Variants in CNTLN observed in about 807,000 individuals in gnomAD.
The protein encoded by CNTLN is centlein, centrosomal protein.
In CNTLN, 212 loss-of-function variants were observed where a neutral mutation model predicts 180.0. The observed-to-expected ratio is 1.18, with a 90% CI of 1.05 to 1.32. The LOEUF (loss-of-function observed/expected upper bound fraction) is 1.32, where lower values mean the gene tolerates loss of function less well. CNTLN is among the 40% of genes most tolerant of loss of function. CNTLN has a pLI of 0.00. For missense variants in CNTLN, 2,095 were observed against 1,610.9 expected (o/e 1.30, Z -5.14); for synonymous variants, 722 against 563.1 (o/e 1.28, Z -3.99).
chr9:17,508,785 G>T (rs1452501932), downstream of CNTLN, among the ~76,000 whole-genome samples: 2 of 152,204 alleles, frequency 1.3e-5, no homozygotes, highest in East Asian at 3.9e-4. Flanking sequence ...TCATTATATG[G>T]ACATACCACA....
chr9:17,492,837 A>G (rs1344484209), intron 25 of CNTLN, among the ~76,000 whole-genome samples: 1 of 152,170 alleles, frequency 6.6e-6, no homozygotes, highest in Non-Finnish European at 1.5e-5. Flanking sequence ...AAATGATCCA[A>G]ATGCCCACCG....
At chr9:17,461,889 G>T (rs1420912961) in intron 19 of CNTLN, among the ~76,000 whole-genome samples, 2 of 151,712 alleles carry the variant, frequency 1.3e-5, no homozygotes, top group Non-Finnish European at 2.9e-5. Context: ...GTTGGAACTA[G>T]AGTCAAAATT....
At position 17,292,302 on chromosome 9, in the gene CNTLN, G is replaced by A. The variant is rs535886527; in HGVS notation, c.984-5888G>A. Among the ~76,000 whole-genome samples the A allele has an allele frequency of 5.3e-5, 8 of 152,176 alleles. No individual in the cohort carries two copies. The South Asian group carries it at 8.3e-4, about 16-fold the overall frequency. On this transcript the variant is annotated intron_variant, in intron 6 of 25. Transcript: ENST00000380647. ...GTGTTAGGGCTGATCATCTCATGGAGTATCTTACGAGGGTTCTTTGGATTT... is the reference window on the plus strand; with the variant it reads ...GTGTTAGGGCTGATCATCTCATGGAATATCTTACGAGGGTTCTTTGGATTT...
intron 12 of CNTLN, among the ~76,000 whole-genome samples, chr9:17,355,863 G>A (rs1162680822): frequency 1.3e-5 from 2 of 151,242 alleles, no homozygotes; most frequent in Non-Finnish European, 2.9e-5. Flanking sequence ...AAGAGATCGA[G>A]ACCATCCTGG....
At chr9:17,329,880 C>T (rs1045055612) in intron 8 of CNTLN, among the ~76,000 whole-genome samples, 4 of 151,276 alleles carry the variant, frequency 2.6e-5, no homozygotes, top group African/African-American at 9.7e-5. Context: ...TCAACAAAAA[C>T]TGTTTTCATG....
chr9:17,268,867 C>T (rs927103495), intron 5 of CNTLN, among the ~76,000 whole-genome samples: 2 of 151,692 alleles, frequency 1.3e-5, no homozygotes, highest in Non-Finnish European at 1.5e-5. Flanking sequence ...TCTGGTGTGC[C>T]GTTTTTTAAT....
chr9:17,455,723 GTGGCAGGCAGGTTTGGGGAA>G (rs1831069676), intron 18 of CNTLN, among the ~76,000 whole-genome samples: 11 of 135,410 alleles, frequency 8.1e-5, no homozygotes, highest in Non-Finnish European at 1.2e-4. Context: ...GGTTTGGGGA[GTGGCAGGCAGGTTTGGGGAA>G]TGGCAGGCAG....
At chr9:17,366,391 G>T (rs1432080518) in intron 12 of CNTLN, among the ~76,000 whole-genome samples, 1 of 152,062 alleles carries the variant, frequency 6.6e-6, no homozygotes, top group Non-Finnish European at 1.5e-5. Flanking sequence ...TGATCCCCTT[G>T]CCTTGGCTTT....
At chr9:17,299,241 CAAAAAAAA>C (rs368954391) in intron 7 of CNTLN, 3 of 91,696 alleles carry the variant, frequency 3.3e-5, no homozygotes, top group South Asian at 3.8e-4. Flanking sequence ...GACAACGTCT[CAAAAAAAA>C]AAAAAAAAAA....
the CNTLN span, among the ~76,000 whole-genome samples, chr9:17,523,395 CCT>C: frequency 3.9e-5 from 6 of 152,074 alleles, no homozygotes; most frequent in African/African-American, 1.4e-4. Context: ...CACCACCACA[CCT>C]GTCTAATTTT....
chr9:17,329,134 G>T (rs1224417125), intron 8 of CNTLN, among the ~76,000 whole-genome samples: 5 of 151,762 alleles, frequency 3.3e-5, no homozygotes, highest in African/African-American at 9.7e-5. Flanking sequence ...ATGTTTTTCT[G>T]ATTTTATTCT....
At chr9:17,491,656 T>TA (rs1833169131) in intron 25 of CNTLN, among the ~76,000 whole-genome samples, 1 of 152,130 alleles carries the variant, frequency 6.6e-6, no homozygotes, top group African/African-American at 2.4e-5. Context: ...TGGAACTATA[T>TA]AAAAAATTCT....
chr9:17,230,382 G>C (rs1824736423), intron 3 of CNTLN, among the ~76,000 whole-genome samples: 1 of 151,760 alleles, frequency 6.6e-6, no homozygotes, highest in African/African-American at 2.4e-5. Context: ...CATTGATGTG[G>C]TGGTGGGGTG....
At chr9:17,300,620 C>T (rs906795567) in intron 7 of CNTLN, 1 of 152,142 alleles carries the variant, frequency 6.6e-6, no homozygotes. Flanking sequence ...GACATAGGTG[C>T]CAGGATATTA....
At chr9:17,453,347 T>A (rs773220450) in intron 18 of CNTLN, among the ~76,000 whole-genome samples, 1 of 152,020 alleles carries the variant, frequency 6.6e-6, no homozygotes, top group Non-Finnish European at 1.5e-5. Flanking sequence ...AGCAATTGAA[T>A]AAATAAAATG....
chr9:17,231,861 C>T (rs143691508), intron 3 of CNTLN, among the ~76,000 whole-genome samples: 1 of 150,518 alleles, frequency 6.6e-6, no homozygotes, highest in Non-Finnish European at 1.5e-5. Flanking sequence ...CTATTATTCT[C>T]TTGTTACTCT....
At chr9:17,172,402 T>C (rs1299113878) in intron 2 of CNTLN, among the ~76,000 whole-genome samples, 1 of 152,228 alleles carries the variant, frequency 6.6e-6, no homozygotes, top group Non-Finnish European at 1.5e-5. Context: ...TTTTAGGTTT[T>C]ATGGAATACC....
At chr9:17,460,707 T>C (rs1433689508) in intron 19 of CNTLN, among the ~76,000 whole-genome samples, 1 of 151,780 alleles carries the variant, frequency 6.6e-6, no homozygotes, top group Non-Finnish European at 1.5e-5. Context: ...AAGTCAGAGT[T>C]AACAGCATTT....
chr9:17,362,284 C>T (rs569170968), intron 12 of CNTLN, among the ~76,000 whole-genome samples: 7 of 152,152 alleles, frequency 4.6e-5, no homozygotes, highest in African/African-American at 1.7e-4. Context: ...CAGTATGTTC[C>T]ACGTTCTTAA....
Sources: allele counts gnomAD v4.1 joint callset (sites outside exome capture counted in the v4.1 genomes callset), GRCh38; gene constraint gnomAD v4.1.1; transcripts MANE v1.5; gene names NCBI Gene and HGNC (gene_info 2026-07-23, HGNC 2026-07-21).